The following PCCA variants were observed in gnomAD, a reference collection of about 807,000 sequenced individuals.
The protein encoded by PCCA is propionyl-CoA carboxylase subunit alpha, also known as propionyl-CoA carboxylase alpha chain, mitochondrial.
Under a neutral mutation model 101.3 loss-of-function variants are expected in PCCA, and 74 were observed. That is an observed-to-expected ratio of 0.73 (90% CI 0.61 to 0.89). PCCA has a LOEUF of 0.89. PCCA is among the 40% of genes least tolerant of loss of function. The pLI, the probability that PCCA is intolerant of heterozygous loss-of-function variation, is 0.00. For synonymous variants in PCCA, 294 were observed against 313.6 expected, an observed-to-expected ratio of 0.94 and a Z score of 0.66; for missense variants, 891 against 907.0, an observed-to-expected ratio of 0.98 and a Z score of 0.23.
At chr13:100,357,169 C>T (rs1334062531) in intron 18 of PCCA, among the ~76,000 whole-genome samples, 1 of 152,120 alleles carries the variant, frequency 6.6e-6, no homozygotes, top group South Asian at 2.1e-4. Context: ...AACTTGTACA[C>T]TTCAGATGGG....
At chr13:100,184,800 A>G (rs1438104657) in intron 6 of PCCA, among the ~76,000 whole-genome samples, 1 of 152,228 alleles carries the variant, frequency 6.6e-6, no homozygotes, top group African/African-American at 2.4e-5. Context: ...ACTATTTAAA[A>G]ACATAAAAAA....
In PCCA at chr13:100,264,142, GTA is replaced by G. The variant is rs2062761791; in HGVS notation, c.819+1315_819+1316del. Among the ~76,000 whole-genome samples, 5 of 117,652 alleles carry G rather than the reference GTA, an allele frequency of 4.2e-5. 1 individual carries two copies. The highest frequency in any genetic ancestry group is 2.5e-4 in the South Asian group (1 of 3,942). The allele number at this position is 117,652 out of a possible 152,430, so 77.2% of individuals were successfully genotyped here. On this transcript the variant is annotated intron_variant, in intron 10 of 23. Coordinates refer to ENST00000376285, the MANE Select transcript of PCCA (RefSeq NM_000282.4). ...TGTATATCGTATATATATGGTATCT[GTA>G]TATCGTATATATATGGTATCTGTAT...
At chr13:100,477,360 G>C (rs766983148) in intron 21 of PCCA, 5 of 152,124 alleles carry the variant, frequency 3.3e-5, no homozygotes, top group Non-Finnish European at 7.4e-5. Context: ...GAACTTTCTG[G>C]TTGCCATAGC....
intron 6 of PCCA, among the ~76,000 whole-genome samples, chr13:100,203,080 G>T (rs2058627028): frequency 6.6e-6 from 1 of 151,890 alleles, no homozygotes; most frequent in South Asian, 2.1e-4. Context: ...ATACCAGCTT[G>T]GCCAACATAA....
intron 19 of PCCA, among the ~76,000 whole-genome samples, chr13:100,381,409 G>A (rs904843298): frequency 4.0e-5 from 6 of 150,658 alleles, no homozygotes; most frequent in Non-Finnish European, 7.4e-5. Flanking sequence ...AAAAAAAAGT[G>A]TTGGCAAAGA....
intron 22 of PCCA, among the ~76,000 whole-genome samples, chr13:100,518,640 G>C (rs1036843610): frequency 1.3e-5 from 2 of 152,134 alleles, no homozygotes; most frequent in African/African-American, 4.8e-5. Context: ...GTAAAATGCA[G>C]GTAAGCAAAC....
intron 7 of PCCA, among the ~76,000 whole-genome samples, chr13:100,231,266 C>T (rs561155312): frequency 3.1e-4 from 47 of 152,280 alleles, no homozygotes; most frequent in African/African-American, 1.0e-3. Flanking sequence ...GTCTTCAGGG[C>T]CCAGAATTGG....
intron 18 of PCCA, among the ~76,000 whole-genome samples, chr13:100,350,589 C>T (rs1419720903): frequency 6.6e-6 from 1 of 152,166 alleles, no homozygotes; most frequent in Non-Finnish European, 1.5e-5. Flanking sequence ...GTACAAGATA[C>T]TAAGTGGATA....
chr13:100,365,443 A>G (rs940097739), intron 18 of PCCA, among the ~76,000 whole-genome samples: 5 of 152,224 alleles, frequency 3.3e-5, no homozygotes, highest in African/African-American at 1.2e-4. Context: ...TGTCAGGATC[A>G]GCAATGTTCC....
intron 1 of PCCA, among the ~76,000 whole-genome samples, chr13:100,097,624 C>T (rs952068894): frequency 3.3e-5 from 5 of 152,072 alleles, no homozygotes; most frequent in African/African-American, 4.8e-5. Context: ...GAGGCTGAGA[C>T]GGGAGAATTG....
intron 18 of PCCA, among the ~76,000 whole-genome samples, chr13:100,365,968 A>G (rs2075119905): frequency 6.6e-6 from 1 of 152,196 alleles, no homozygotes; most frequent in Non-Finnish European, 1.5e-5. Context: ...TCCTAACCAA[A>G]TAGACAAATC....
intron 12 of PCCA, among the ~76,000 whole-genome samples, chr13:100,283,024 T>C (rs886281335): frequency 2.6e-5 from 4 of 152,034 alleles, no homozygotes; most frequent in African/African-American, 9.7e-5. Flanking sequence ...CCCGGGTACA[T>C]GTCCCCTTCT....
intron 20 of PCCA, among the ~76,000 whole-genome samples, chr13:100,447,603 C>G (rs1225658135): frequency 6.6e-6 from 1 of 151,518 alleles, no homozygotes; most frequent in Non-Finnish European, 1.5e-5. Context: ...ACCTGGGAGG[C>G]AGAGGTTGCT....
intron 6 of PCCA, among the ~76,000 whole-genome samples, chr13:100,194,927 A>G (rs539912229): frequency 2.0e-4 from 31 of 152,256 alleles, no homozygotes; most frequent in African/African-American, 7.5e-4. Flanking sequence ...TTTTTTGCTT[A>G]TACTGTAAAA....
chr13:100,168,813 C>T (rs567500167), intron 6 of PCCA, among the ~76,000 whole-genome samples: 100 of 152,244 alleles, frequency 6.6e-4, no homozygotes, highest in African/African-American at 2.3e-3. Flanking sequence ...ATGGGAGGCT[C>T]ATGGTCCAGT....
intron 8 of PCCA, among the ~76,000 whole-genome samples, chr13:100,255,093 A>G (rs978373300): frequency 2.6e-5 from 4 of 152,088 alleles, no homozygotes; most frequent in Non-Finnish European, 4.4e-5. Context: ...CAAAAAAGCT[A>G]GTCTAACTTG....
At chr13:100,275,773 C>T (rs1387930949) in intron 12 of PCCA, among the ~76,000 whole-genome samples, 1 of 151,912 alleles carries the variant, frequency 6.6e-6, no homozygotes, top group Non-Finnish European at 1.5e-5. Flanking sequence ...GGTAGAACCT[C>T]TACATTACAA....
intron 20 of PCCA, among the ~76,000 whole-genome samples, chr13:100,445,856 A>G (rs187384251): frequency 6.6e-6 from 1 of 152,340 alleles, no homozygotes; most frequent in East Asian, 1.9e-4. Flanking sequence ...GGCCATCATG[A>G]ATAGTGCTGC....
At chr13:100,289,292 T>C (rs2064941603) in intron 12 of PCCA, among the ~76,000 whole-genome samples, 1 of 152,128 alleles carries the variant, frequency 6.6e-6, no homozygotes, top group Non-Finnish European at 1.5e-5. Flanking sequence ...TTGTTTTGTT[T>C]TTTTAGTTTA....
Sources: gnomAD v4.1 joint callset for allele counts (sites outside exome capture counted in the v4.1 genomes callset) on GRCh38, gnomAD v4.1.1 for gene constraint, MANE v1.5 for transcripts, NCBI Gene and HGNC (gene_info 2026-07-23, HGNC 2026-07-21) for gene names.